FLT3: variants seen among roughly 807,000 people sequenced by gnomAD.
The protein encoded by FLT3 is fms related receptor tyrosine kinase 3, also known as receptor-type tyrosine-protein kinase FLT3.
FLT3 carries 46 observed loss-of-function variants against 126.6 expected under a neutral mutation model. The ratio of observed to expected loss-of-function variants is 0.36; its 90% CI spans 0.29 to 0.46. The LOEUF (loss-of-function observed/expected upper bound fraction) is 0.46. Ranked by LOEUF, FLT3 falls within the 20% of genes least tolerant of loss-of-function variation. The pLI, the probability that FLT3 is intolerant of heterozygous loss-of-function variation, is 1.00. For missense variants in FLT3, 1,069 were observed against 1,190.3 expected (o/e 0.90, Z 1.50); for synonymous variants, 404 against 434.4 (o/e 0.93, Z 0.87).
chr13:28,016,966 G>A (rs1871920182), intron 20 of FLT3, among the ~76,000 whole-genome samples: 1 of 152,114 alleles, frequency 6.6e-6, no homozygotes, highest in South Asian at 2.1e-4. Context: ...CCACATCAAC[G>A]CTATGAGGTA....
chr13:28,070,354 G>C, intron 2 of FLT3, 137 bp downstream of exon 2: 1 of 660,066 alleles, frequency 1.5e-6, no homozygotes, highest in Non-Finnish European at 2.6e-6. Flanking sequence ...TAGATGCTCT[G>C]TTGGTACCAG....
At chr13:28,043,707 G>A (rs1319264568) in intron 9 of FLT3, among the ~76,000 whole-genome samples, 1 of 152,180 alleles carries the variant, frequency 6.6e-6, no homozygotes, top group Non-Finnish European at 1.5e-5. Flanking sequence ...GGAAAGACGG[G>A]TGCAGTGGCA....
intron 2 of FLT3, 80 bp from the exon 3 acceptor site, chr13:28,062,149 A>T (rs1238347252): frequency 9.5e-7 from 1 of 1,047,242 alleles, no homozygotes; most frequent in African/African-American, 1.6e-5. Context: ...AAACTTTATC[A>T]AACATATGCA....
At chr13:28,048,513 A>G (rs1875110998) in intron 8 of FLT3, 70 bp from the exon 9 acceptor site, 5 of 1,041,900 alleles carry the variant, frequency 4.8e-6, no homozygotes, top group Non-Finnish European at 7.1e-6. Context: ...AGAAGATAAA[A>G]TAAACTTGTA....
At chr13:28,015,568 G>C (rs374918896) in intron 21 of FLT3, 22 bp downstream of exon 21, 34 of 1,451,172 alleles carry the variant, frequency 2.3e-5, no homozygotes, top group Non-Finnish European at 3.2e-5. Flanking sequence ...AGCCAAGGGA[G>C]GCCAGCAGCT....
intron 1 of FLT3, among the ~76,000 whole-genome samples, chr13:28,091,453 C>G (rs1464035420): frequency 6.6e-6 from 1 of 150,816 alleles, no homozygotes; most frequent in Non-Finnish European, 1.5e-5. Flanking sequence ...GATCTCCTGA[C>G]CTCGTGATCC....
chr13:28,037,216 T>G lies in FLT3; in HGVS notation c.1278A>C (p.Gln426His). 1 of 1,607,656 alleles carries G rather than the reference T, an allele frequency of 6.2e-7. No individual in the cohort carries two copies. The highest frequency in any genetic ancestry group is 1.1e-5 in the South Asian group (1 of 90,938). The change falls in exon 10 of 24, where the codon CAA (glutamine) becomes CAC (histidine). Residue 426 changes from glutamine (Q) to histidine (H), a missense_variant. Physicochemically the swap from Gln to His is conservative, Grantham distance 24. Coordinates refer to ENST00000241453, the MANE Select transcript of FLT3 (RefSeq NM_004119.3). ...YIFHAENDDA[Q>H]FTKMFTLNIR... The stretch of plus-strand genomic sequence containing the variant: ...TATTCAGCGTGAACATTTTGGTAAA[T>G]TGGGCATCATCATTTTCTGCATGGA...
chr13:28,006,102 TAA>T (rs764868065), intron 23 of FLT3, among the ~76,000 whole-genome samples: 3 of 152,106 alleles, frequency 2.0e-5, no homozygotes, highest in African/African-American at 4.8e-5. Flanking sequence ...CTAAAAGAAA[TAA>T]GTTTTTAAAA....
intron 9 of FLT3, 144 bp downstream of exon 9, chr13:28,048,131 G>T: frequency 1.5e-6 from 1 of 647,570 alleles, no homozygotes; most frequent in Non-Finnish European, 2.7e-6. Flanking sequence ...TCTGCTTATT[G>T]TTTTCTTATC....
chr13:28,091,524 C>A (rs1460281831), intron 1 of FLT3, among the ~76,000 whole-genome samples: 1 of 151,956 alleles, frequency 6.6e-6, no homozygotes, highest in African/African-American at 2.4e-5. Flanking sequence ...CCCGGCCCCC[C>A]ATTTTCTTCC....
chr13:28,058,206 T>TCAA (rs1566088666), intron 3 of FLT3, among the ~76,000 whole-genome samples: 517 of 8,768 alleles, frequency 0.059, 7 homozygotes, highest in East Asian at 0.32. Flanking sequence ...TTTTTAAAAA[T>TCAA]TAAAAAAAAA....
intron 3 of FLT3, among the ~76,000 whole-genome samples, chr13:28,059,474 C>T (rs1385035212): frequency 6.6e-6 from 1 of 152,236 alleles, no homozygotes; most frequent in African/African-American, 2.4e-5. Context: ...ATTACCCACA[C>T]ATCTTGGCTA....
intron 9 of FLT3, among the ~76,000 whole-genome samples, chr13:28,047,935 A>C (rs1043864875): frequency 2.4e-4 from 36 of 152,082 alleles, no homozygotes; most frequent in African/African-American, 7.0e-4. Flanking sequence ...TCATCTGCAA[A>C]TGTTTTAGGG....
intron 20 of FLT3, among the ~76,000 whole-genome samples, chr13:28,017,002 T>C (rs1666103562): frequency 1.3e-5 from 2 of 152,158 alleles, no homozygotes; most frequent in South Asian, 4.1e-4. Flanking sequence ...TGGGAAACAC[T>C]ACAACATAGT....
At chr13:28,077,759 G>A (rs1018687656) in intron 1 of FLT3, among the ~76,000 whole-genome samples, 8 of 152,094 alleles carry the variant, frequency 5.3e-5, no homozygotes, top group Non-Finnish European at 1.2e-4. Context: ...TCTGAGGCAA[G>A]GCAAGTCCCT....
At chr13:28,046,524 A>C (rs150810892) in intron 9 of FLT3, among the ~76,000 whole-genome samples, 49 of 152,366 alleles carry the variant, frequency 3.2e-4, no homozygotes, top group African/African-American at 1.1e-3. Context: ...TTAATAACAT[A>C]TTTCGCTGAA....
chr13:28,096,305 G>C (rs780698519), intron 1 of FLT3, among the ~76,000 whole-genome samples: 2 of 152,120 alleles, frequency 1.3e-5, no homozygotes, highest in Non-Finnish European at 2.9e-5. Context: ...AGTGAGCCGA[G>C]ACTGTACCAC....
At chr13:28,020,249 A>G (rs1384365995) in intron 19 of FLT3, among the ~76,000 whole-genome samples, 1 of 152,074 alleles carries the variant, frequency 6.6e-6, no homozygotes, top group Non-Finnish European at 1.5e-5. Context: ...CCCTTCCCCC[A>G]ACCAGGTCTG....
chr13:28,008,009 C>T (rs994672265), intron 23 of FLT3, among the ~76,000 whole-genome samples: 1 of 152,012 alleles, frequency 6.6e-6, no homozygotes, highest in African/African-American at 2.4e-5. Flanking sequence ...TCTCCACCTT[C>T]TTCTTTATTG....
Sources: gnomAD v4.1 joint callset for allele counts (sites outside exome capture counted in the v4.1 genomes callset) on GRCh38, gnomAD v4.1.1 for gene constraint, MANE v1.5 for transcripts, NCBI Gene and HGNC (gene_info 2026-07-23, HGNC 2026-07-21) for gene names.